The following GALNT7 variants were observed in gnomAD, a reference collection of about 807,000 sequenced individuals.
The protein encoded by GALNT7 is N-acetylgalactosaminyltransferase 7.
A neutral mutation model predicts 82.1 loss-of-function variants in GALNT7; 60 were observed. That is an observed-to-expected ratio of 0.73 (90% confidence interval 0.59 to 0.91). GALNT7 has a LOEUF of 0.91. GALNT7 is among the 40% of genes least tolerant of loss of function. GALNT7 has a pLI of 0.00. For synonymous variants in GALNT7, 243 were observed against 275.1 expected (o/e 0.88, Z 1.15); for missense variants, 660 against 804.2 (o/e 0.82, Z 2.17).
intron 2 of GALNT7, among the ~76,000 whole-genome samples, chr4:173,252,751 T>G (rs1561174235): frequency 6.6e-6 from 1 of 152,208 alleles, no homozygotes; most frequent in Non-Finnish European, 1.5e-5. Context: ...ATCTCTAATA[T>G]GTAATGCACT....
chr4:173,273,805 T>C lies in GALNT7; in HGVS notation c.588-18303T>C, dbSNP rs147837472. ...ATTTTTAACTTTTGTAATACTGTTT[T>C]ATTCTGTGTGTCTTTGTAAGCTGCT... On this transcript the variant is annotated intron_variant, in intron 2 of 11. Transcript: ENST00000265000. Among the ~76,000 whole-genome samples, 806 of 152,346 alleles carry C rather than the reference T, an allele frequency of 5.3e-3. 10 individuals are homozygous for C. Among genetic ancestry groups the C allele is most frequent in the African/African-American group, 0.019 (779 of 41,568 alleles).
intron 1 of GALNT7, among the ~76,000 whole-genome samples, chr4:173,196,601 A>G (rs1190354899): frequency 6.6e-6 from 1 of 152,182 alleles, no homozygotes; most frequent in East Asian, 1.9e-4. Context: ...TTTGTTATAT[A>G]GGTAAACGTG....
At chr4:173,206,018 TCCTGGAA>T (rs747927149) in intron 1 of GALNT7, among the ~76,000 whole-genome samples, 7 of 151,246 alleles carry the variant, frequency 4.6e-5, no homozygotes, top group South Asian at 2.1e-4. Flanking sequence ...ATAGTTACCA[TCCTGGAA>T]CCTGGAACCT....
chr4:173,172,220 C>A (rs1021948626), intron 1 of GALNT7, among the ~76,000 whole-genome samples: 2 of 152,244 alleles, frequency 1.3e-5, no homozygotes, highest in Non-Finnish European at 2.9e-5. Flanking sequence ...GTTTGCGTTT[C>A]TTCTCCCGTG....
Position 173,284,721 on chromosome 4 carries a change from GAAA to G in GALNT7, c.588-7379_588-7377del, listed in dbSNP as rs529021490. On this transcript the variant is annotated intron_variant, in intron 2 of 11. Coordinates refer to ENST00000265000, the MANE Select transcript of GALNT7 (RefSeq NM_017423.3). ...TGCCAAAACAATGACTCAAAAATTTGAAAAAAAAAACAACAACAAAAAAAACCT... is the reference window on the plus strand; with the variant it reads ...TGCCAAAACAATGACTCAAAAATTTGAAAAAAACAACAACAAAAAAAACCT... Among the ~76,000 whole-genome samples, 375 of 142,068 alleles carry G rather than the reference GAAA, an allele frequency of 2.6e-3. 3 individuals carry two copies. Among genetic ancestry groups the G allele is most frequent in the African/African-American group, 9.1e-3 (360 of 39,616 alleles). The allele number at this position is 142,068 out of a possible 152,430, so 93.2% of individuals were successfully genotyped here. A position where few individuals can be genotyped will look rare whatever the true frequency, so the allele number is the denominator to read the frequency against.
At chr4:173,210,720 C>G (rs28546457) in intron 1 of GALNT7, among the ~76,000 whole-genome samples, 1 of 152,252 alleles carries the variant, frequency 6.6e-6, no homozygotes, top group East Asian at 1.9e-4. Flanking sequence ...GGGTGAGCCA[C>G]CATGCCTGGC....
At chr4:173,187,159 C>G (rs1385678213) in intron 1 of GALNT7, among the ~76,000 whole-genome samples, 1 of 152,018 alleles carries the variant, frequency 6.6e-6, no homozygotes, top group Non-Finnish European at 1.5e-5. Context: ...TATCTACAAC[C>G]CATCCTATCC....
rs141474183 is a variant in GALNT7, at chr4:173,224,885, C to A, written c.127-23095C>A. On this transcript the variant is annotated intron_variant, in intron 1 of 11. Transcript: ENST00000265000. ...AAAAAATTAGCCAGGCGTGGTGGCG[C>A]GCGCCTGTAGTCCCAGCTACTCGGG... Among the ~76,000 whole-genome samples, 339 of 151,578 alleles carry A rather than the reference C, an allele frequency of 2.2e-3. 2 individuals carry two copies. Among genetic ancestry groups the A allele is most frequent in the Non-Finnish European group, 3.8e-3 (258 of 67,868 alleles).
intron 1 of GALNT7, among the ~76,000 whole-genome samples, chr4:173,212,248 G>A (rs147721596): frequency 1.6e-3 from 248 of 152,254 alleles, no homozygotes; most frequent in Admixed American, 3.7e-3. Context: ...TTTCATGCAA[G>A]TGAATTTAAC....
At position 173,196,321 on chromosome 4, in the gene GALNT7, C is replaced by T. The variant is rs973057327; in HGVS notation, c.126+27360C>T. Among the ~76,000 whole-genome samples, 6 of 152,022 alleles carry T rather than the reference C, an allele frequency of 3.9e-5. No homozygotes were observed. In the South Asian group the frequency reaches 8.3e-4, roughly 21 times the overall value. On this transcript the variant is annotated intron_variant, in intron 1 of 11. Coordinates refer to ENST00000265000, the MANE Select transcript of GALNT7 (RefSeq NM_017423.3). ...TGTATTTTTAATAGAGACGGGGTTT[C>T]GCTATGTTGGCCAGGCTGGTCTCAA...
intron 8 of GALNT7, 107 bp downstream of exon 8, chr4:173,304,225 T>C: frequency 2.5e-6 from 2 of 812,342 alleles, no homozygotes; most frequent in Non-Finnish European, 1.9e-6. Flanking sequence ...TCTTCAGCAG[T>C]CATGTTGATT....
At chr4:173,198,526 A>T (rs17059199) in intron 1 of GALNT7, among the ~76,000 whole-genome samples, 1 of 152,280 alleles carries the variant, frequency 6.6e-6, no homozygotes, top group South Asian at 2.1e-4. Context: ...ATGTGGCCAG[A>T]TAAGTTCTAT....
chr4:173,199,159 A>G (rs745456315), intron 1 of GALNT7, among the ~76,000 whole-genome samples: 32 of 152,252 alleles, frequency 2.1e-4, no homozygotes, highest in Non-Finnish European at 3.5e-4. Flanking sequence ...ACTATGTGCC[A>G]CAGACACAGA....
chr4:173,288,302 A>AAAAAT (rs1736412068), intron 2 of GALNT7, among the ~76,000 whole-genome samples: 3 of 148,614 alleles, frequency 2.0e-5, no homozygotes, highest in Admixed American at 2.0e-4. Flanking sequence ...AAAAAAAAAA[A>AAAAAT]AAAGAAAAGA....
chr4:173,172,303 G>A (rs1731903593), intron 1 of GALNT7, among the ~76,000 whole-genome samples: 1 of 152,200 alleles, frequency 6.6e-6, no homozygotes, highest in Non-Finnish European at 1.5e-5. Context: ...CCTGCAGTGT[G>A]TTTACTGAAG....
At chr4:173,318,729 C>T in intron 11 of GALNT7, 170 bp downstream of exon 11, 1 of 509,052 alleles carries the variant, frequency 2.0e-6, no homozygotes, top group Non-Finnish European at 3.5e-6. Flanking sequence ...ACTCATTGTT[C>T]TATAATGAGG....
In GALNT7 at chr4:173,295,792, A is replaced by G; in HGVS notation, c.914A>G (p.Glu305Gly). Reference sequence around the variant, plus strand: ...TTGATATACCTTGATGCCCACTGTGAGGTGGCAGTTAACTGGTATGCACCA... The same window carrying G: ...TTGATATACCTTGATGCCCACTGTGGGGTGGCAGTTAACTGGTATGCACCA... ...QVLIYLDAHC[E>G]VAVNWYAPLV... Residue 305 changes from glutamate to glycine, a missense_variant, in exon 5 of 12, where the codon GAG (glutamate) becomes GGG (glycine). Around this residue, in one of 2 missense-constraint regions of GALNT7, gnomAD observed 527 missense variants for 683.5 expected, o/e 0.77. Transcript: ENST00000265000. 1 of 1,610,048 alleles carries G rather than the reference A, an allele frequency of 6.2e-7. No homozygotes were observed. The highest frequency in any genetic ancestry group is 8.5e-7 in the Non-Finnish European group (1 of 1,176,442).
intron 1 of GALNT7, among the ~76,000 whole-genome samples, chr4:173,194,717 G>T (rs1159750886): frequency 6.6e-6 from 1 of 152,082 alleles, no homozygotes; most frequent in Non-Finnish European, 1.5e-5. Context: ...GTATGCATGT[G>T]CCATGTTGGT....
Position 173,321,802 on chromosome 4 carries a change from T to C in GALNT7, c.*85T>C. Reference sequence around the variant, plus strand: ...ACCGCCTGAAACCTGCTGCAACTATTGTTATTAACTCTGTATAGCTCCAAA... The same window carrying C: ...ACCGCCTGAAACCTGCTGCAACTATCGTTATTAACTCTGTATAGCTCCAAA... On this transcript the variant is annotated 3_prime_UTR_variant, in exon 12 of 12. Transcript: ENST00000265000. 2.3e-6 allele frequency: 2 copies of C among 859,804 alleles called. No individual in the cohort carries two copies. The highest frequency in any genetic ancestry group is 3.8e-6 in the Non-Finnish European group (2 of 528,904). 53.3% of individuals were successfully genotyped at this position (859,804 alleles called of 1,614,324 possible).
Sources: allele counts gnomAD v4.1 joint callset (sites outside exome capture counted in the v4.1 genomes callset), GRCh38; gene constraint gnomAD v4.1.1; regional missense constraint gnomAD v4.1.1; transcripts MANE v1.5; gene names NCBI Gene and HGNC (gene_info 2026-07-23, HGNC 2026-07-21).